ATP8A1: variants seen among roughly 807,000 people sequenced by gnomAD.
The protein encoded by ATP8A1 is phospholipid-transporting ATPase IA.
ATP8A1 carries 90 observed loss-of-function variants against 177.7 expected under a neutral mutation model. The ratio of observed to expected loss-of-function variants is 0.51; its 90% confidence interval spans 0.43 to 0.60. The LOEUF is 0.60. ATP8A1 is among the 20% of genes least tolerant of loss of function. The pLI is 0.00. For missense variants in ATP8A1, 1,072 were observed against 1,392.8 expected (o/e 0.77, Z 3.67); for synonymous variants, 493 against 485.9 (o/e 1.01, Z -0.19).
chr4:42,607,852 G>A (rs569907224), intron 5 of ATP8A1, among the ~76,000 whole-genome samples: 3 of 152,292 alleles, frequency 2.0e-5, no homozygotes, highest in South Asian at 2.1e-4. Flanking sequence ...AGAGCCTAGA[G>A]GAGATGATTA....
At chr4:42,443,514 A>C (rs1186985991) in intron 33 of ATP8A1, 51 bp downstream of exon 33, 4 of 792,268 alleles carry the variant, frequency 5.0e-6, no homozygotes, top group Non-Finnish European at 8.9e-6. Flanking sequence ...TTTGCTAAAA[A>C]ATACCAGTTT....
intron 27 of ATP8A1, among the ~76,000 whole-genome samples, chr4:42,457,411 T>C (rs1718601379): frequency 6.6e-6 from 1 of 152,208 alleles, no homozygotes; most frequent in African/African-American, 2.4e-5. Flanking sequence ...TAGTAATTCA[T>C]TCTAAAAAGC....
chr4:42,527,091 T>C (rs959296115), intron 20 of ATP8A1, among the ~76,000 whole-genome samples: 4 of 152,106 alleles, frequency 2.6e-5, no homozygotes, highest in African/African-American at 9.7e-5. Flanking sequence ...GACAAAGTAA[T>C]GAAAGAAAAT....
chr4:42,466,640 T>G (rs1481893926), intron 25 of ATP8A1, among the ~76,000 whole-genome samples: 6 of 152,354 alleles, frequency 3.9e-5, no homozygotes, highest in African/African-American at 1.4e-4. Flanking sequence ...CCATTTTTAA[T>G]TTTTTCTTTG....
intron 30 of ATP8A1, among the ~76,000 whole-genome samples, chr4:42,447,984 A>G (rs1717467875): frequency 6.6e-6 from 1 of 152,228 alleles, no homozygotes; most frequent in African/African-American, 2.4e-5. Flanking sequence ...ATCTCTTTAC[A>G]CTAAAAAATT....
At chr4:42,612,620 C>CTT (rs1736479894) in intron 5 of ATP8A1, among the ~76,000 whole-genome samples, 1 of 151,694 alleles carries the variant, frequency 6.6e-6, no homozygotes. Context: ...GTCACTGAAT[C>CTT]ATCAACCAAA....
At chr4:42,539,274 GGAGT>G (rs1423368537) in intron 20 of ATP8A1, among the ~76,000 whole-genome samples, 1 of 151,918 alleles carries the variant, frequency 6.6e-6, no homozygotes, top group Non-Finnish European at 1.5e-5. Context: ...GGGTGGGAGG[GGAGT>G]GAGGGATAAA....
In ATP8A1 at chr4:42,606,831, T is replaced by C. The variant is rs557991681; in HGVS notation, c.410-6313A>G. The stretch of plus-strand genomic sequence containing the variant: ...AGAGAACATTGCTGACTCCGGGGCA[T>C]TTGAGTTTGTAATTTTATCAGATAC... On this transcript the variant is annotated intron_variant, in intron 5 of 36. Coordinates refer to ENST00000381668, the MANE Select transcript of ATP8A1 (RefSeq NM_006095.2). 3.9e-5 allele frequency among the ~76,000 whole-genome samples: 6 copies of C among 152,312 alleles called. No individual in the cohort carries two copies. The South Asian group carries it at 1.2e-3, about 32-fold the overall frequency.
intron 25 of ATP8A1, among the ~76,000 whole-genome samples, chr4:42,477,506 C>T (rs982761745): frequency 1.3e-5 from 2 of 152,108 alleles, no homozygotes; most frequent in African/African-American, 4.8e-5. Flanking sequence ...CTCTCTCTCC[C>T]CATGTAAGAG....
At chr4:42,428,869 G>A (rs28734848) in intron 33 of ATP8A1, among the ~76,000 whole-genome samples, 35,812 of 151,886 alleles carry the variant, frequency 0.24, 4,288 homozygotes, top group African/African-American at 0.26. Flanking sequence ...ATGCCTACTC[G>A]TCCTTCAATT....
In ATP8A1 at chr4:42,435,461, A is replaced by AAAAAAAAAAAAAAC. The variant is rs1553871738; in HGVS notation, c.3123+8103_3123+8104insGTTTTTTTTTTTTT. 6.7e-4 allele frequency among the ~76,000 whole-genome samples: 82 copies of AAAAAAAAAAAAAAC among 122,338 alleles called. 10 individuals carry two copies. The highest frequency in any genetic ancestry group is 1.8e-3 in the East Asian group (7 of 3,922). 80.3% of individuals were successfully genotyped at this position (122,338 alleles called of 152,430 possible). Reference sequence around the variant, plus strand: ...AAAAAAAAAAAAAACAAAAAAAAAAAAACAAACTATCTCCAGTTATGAGCT... The same window carrying AAAAAAAAAAAAAAC: ...AAAAAAAAAAAAAACAAAAAAAAAAAAAAAAAAAAAAAACAACAAACTATCTCCAGTTATGAGCT... On this transcript the variant is annotated intron_variant, in intron 33 of 36. Coordinates refer to ENST00000381668, the MANE Select transcript of ATP8A1 (RefSeq NM_006095.2).
At position 42,409,977 on chromosome 4, in the gene ATP8A1, T is replaced by C. The variant is rs1479189920; in HGVS notation, c.*2939A>G. 1.3e-5 allele frequency: 2 copies of C among 152,212 alleles called. No homozygotes were observed. The highest frequency in any genetic ancestry group is 2.9e-5 in the Non-Finnish European group (2 of 68,018). The allele number at this position is 152,212 out of a possible 1,614,324, so 9.4% of individuals were successfully genotyped here. On this transcript the variant is annotated 3_prime_UTR_variant, in exon 37 of 37. Coordinates refer to ENST00000381668, the MANE Select transcript of ATP8A1 (RefSeq NM_006095.2). ...AAATGGCTAACATTATTTAGCAGAA[T>C]ACACATTCACCTGACTTGATTAGAA...
intron 5 of ATP8A1, among the ~76,000 whole-genome samples, chr4:42,604,948 C>T (rs1735647033): frequency 6.6e-6 from 1 of 152,134 alleles, no homozygotes; most frequent in South Asian, 2.1e-4. Context: ...ATCCCATGTA[C>T]ATAAGATGCC....
Position 42,429,379 on chromosome 4 carries a change from G to GT in ATP8A1, c.3124-5675dup, listed in dbSNP as rs1187879757. On this transcript the variant is annotated intron_variant, in intron 33 of 36. Coordinates refer to ENST00000381668, the MANE Select transcript of ATP8A1 (RefSeq NM_006095.2). ...AAAGGTATGATACCTGGAAATAAAA[G>GT]TGTTTTGTTTTTTTTTTTGTGGTTG... Among the ~76,000 whole-genome samples, 72 of 145,356 alleles carry GT rather than the reference G, an allele frequency of 5.0e-4. 1 individual carries two copies. The highest frequency in any genetic ancestry group is 1.5e-3 in the African/African-American group (62 of 41,168).
chr4:42,471,668 A>G (rs1487251387), intron 25 of ATP8A1: 1 of 247,550 alleles, frequency 4.0e-6, no homozygotes, highest in East Asian at 9.2e-5. Context: ...AAGAAAGCTT[A>G]GTTTATCTAC....
At chr4:42,621,174 T>C (rs1737429687) in intron 4 of ATP8A1, among the ~76,000 whole-genome samples, 1 of 152,216 alleles carries the variant, frequency 6.6e-6, no homozygotes, top group Admixed American at 6.5e-5. Flanking sequence ...TCTCAGCTAG[T>C]GTCTCCATCA....
chr4:42,435,325 C>T (rs770248522), intron 33 of ATP8A1, among the ~76,000 whole-genome samples: 8 of 150,714 alleles, frequency 5.3e-5, no homozygotes, highest in Non-Finnish European at 1.2e-4. Flanking sequence ...ACTCAGGAGG[C>T]TGAGGCAGGA....
intron 1 of ATP8A1, among the ~76,000 whole-genome samples, chr4:42,647,451 A>G (rs556572009): frequency 6.6e-6 from 1 of 152,244 alleles, no homozygotes; most frequent in South Asian, 2.1e-4. Context: ...GTAGCACAAA[A>G]AATGTAAACT....
chr4:42,618,289 C>A (rs1181158664), intron 4 of ATP8A1, among the ~76,000 whole-genome samples: 1 of 152,236 alleles, frequency 6.6e-6, no homozygotes, highest in African/African-American at 2.4e-5. Flanking sequence ...GGCTTACTCC[C>A]TGGCCCTCCT....
Sources: allele counts gnomAD v4.1 joint callset (sites outside exome capture counted in the v4.1 genomes callset), GRCh38; gene constraint gnomAD v4.1.1; transcripts MANE v1.5; gene names NCBI Gene and HGNC (gene_info 2026-07-23, HGNC 2026-07-21).